The following DDAH1 variants were observed in gnomAD, a reference collection of about 807,000 sequenced individuals.
DDAH1 encodes dimethylarginine dimethylaminohydrolase 1.
Under a neutral mutation model 28.8 loss-of-function variants are expected in DDAH1, and 19 were observed. The observed-to-expected ratio is 0.66, with a 90% confidence interval of 0.46 to 0.97. The LOEUF is 0.97. Ranked by LOEUF, DDAH1 falls within the 50% of genes least tolerant of loss-of-function variation. DDAH1 has a pLI of 0.00. For missense variants in DDAH1, 326 were observed against 375.9 expected (o/e 0.87, Z 1.10); for synonymous variants, 153 against 154.4 (o/e 0.99, Z 0.07).
At chr1:85,553,168 A>C (rs1223181895) in intron 1 of DDAH1, among the ~76,000 whole-genome samples, 1 of 152,040 alleles carries the variant, frequency 6.6e-6, no homozygotes, top group Non-Finnish European at 1.5e-5. Flanking sequence ...GAGTAAAGTC[A>C]CCTTAGAACC....
intron 1 of DDAH1, among the ~76,000 whole-genome samples, chr1:85,531,019 TGAATTG>T (rs1257629896): frequency 4.2e-5 from 4 of 94,306 alleles, no homozygotes; most frequent in Admixed American, 1.1e-4. Context: ...AAAAAAAAAG[TGAATTG>T]AAATTGAAGT....
chr1:85,499,225 A>G (rs1245112871), intron 1 of DDAH1, among the ~76,000 whole-genome samples: 5 of 152,192 alleles, frequency 3.3e-5, no homozygotes, highest in Admixed American at 1.3e-4. Flanking sequence ...ATATATTTTT[A>G]ATTTCATTGA....
At chr1:85,485,928 A>G (rs1461901150) in intron 2 of DDAH1, among the ~76,000 whole-genome samples, 1 of 152,220 alleles carries the variant, frequency 6.6e-6, no homozygotes, top group African/African-American at 2.4e-5. Context: ...ACTGAAGCCC[A>G]CCAAAATCAA....
chr1:85,447,013 A>G (rs1654466777), intron 1 of DDAH1, among the ~76,000 whole-genome samples: 1 of 152,152 alleles, frequency 6.6e-6, no homozygotes, highest in African/African-American at 2.4e-5. Flanking sequence ...TTTAAAACTC[A>G]ATGGAATAAA....
intron 1 of DDAH1, among the ~76,000 whole-genome samples, chr1:85,562,106 T>C (rs1239498638): frequency 6.6e-6 from 1 of 152,100 alleles, no homozygotes; most frequent in Non-Finnish European, 1.5e-5. Context: ...AATTTTAAGT[T>C]TGAACCCCTT....
At chr1:85,533,794 A>T (rs1365438368) in intron 1 of DDAH1, among the ~76,000 whole-genome samples, 3 of 152,156 alleles carry the variant, frequency 2.0e-5, no homozygotes, top group African/African-American at 7.2e-5. Flanking sequence ...CTACCTCATA[A>T]GGTTGCTTGC....
intron 1 of DDAH1, among the ~76,000 whole-genome samples, chr1:85,437,419 C>A (rs567096943): frequency 6.6e-6 from 1 of 152,146 alleles, no homozygotes; most frequent in Non-Finnish European, 1.5e-5. Flanking sequence ...CCTGAGACAG[C>A]AAGATCGACC....
chr1:85,342,385 T>TGA (rs1370654465), intron 4 of DDAH1, among the ~76,000 whole-genome samples: 1 of 143,480 alleles, frequency 7.0e-6, no homozygotes, highest in African/African-American at 2.7e-5. Context: ...GGTTTTTCTA[T>TGA]GAGTGTGTGT....
chr1:85,499,555 A>G (rs146990564), intron 1 of DDAH1, among the ~76,000 whole-genome samples: 1,528 of 152,188 alleles, frequency 0.01, 30 homozygotes, highest in African/African-American at 0.035. Flanking sequence ...CATGCCTGTA[A>G]TCCCACCTAC....
At chr1:85,347,643 A>G (rs1648949245) in intron 4 of DDAH1, among the ~76,000 whole-genome samples, 1 of 152,194 alleles carries the variant, frequency 6.6e-6, no homozygotes, top group African/African-American at 2.4e-5. Flanking sequence ...GAGGGATAGC[A>G]TTGGGAGATA....
intron 1 of DDAH1, among the ~76,000 whole-genome samples, chr1:85,370,828 G>GA (rs888361043): frequency 6.6e-6 from 1 of 152,104 alleles, no homozygotes; most frequent in Non-Finnish European, 1.5e-5. Context: ...AGGCTGGAGA[G>GA]AAAAAATTGA....
In DDAH1 at chr1:85,486,675, G is replaced by A. The variant is rs116250248; in HGVS notation, c.-7+9491C>T. ...CTGATAGAAAGGACAAGCACATAGAGAATCTCAATGGTGTGCAATAAATAC... is the reference window on the plus strand; with the variant it reads ...CTGATAGAAAGGACAAGCACATAGAAAATCTCAATGGTGTGCAATAAATAC... On this transcript the variant is annotated intron_variant, in intron 2 of 6. Coordinates refer to the DDAH1 transcript ENST00000426972. Among the ~76,000 whole-genome samples the A allele has an allele frequency of 1.5e-3, 232 of 152,290 alleles. 1 individual carries two copies. Among genetic ancestry groups the A allele is most frequent in the African/African-American group, 5.4e-3 (223 of 41,566 alleles).
intron 1 of DDAH1, among the ~76,000 whole-genome samples, chr1:85,559,008 T>C (rs1659065791): frequency 6.6e-6 from 1 of 152,222 alleles, no homozygotes; most frequent in Admixed American, 6.5e-5. Context: ...GGCACTTTTC[T>C]AAACTGGTAG....
At chr1:85,386,385 A>G (rs1410302774) in intron 1 of DDAH1, among the ~76,000 whole-genome samples, 1 of 152,258 alleles carries the variant, frequency 6.6e-6, no homozygotes, top group Non-Finnish European at 1.5e-5. Context: ...GAATTGGACA[A>G]AAGAATGGGG....
chr1:85,523,060 G>T (rs1161395165), intron 1 of DDAH1, among the ~76,000 whole-genome samples: 3 of 151,224 alleles, frequency 2.0e-5, no homozygotes, highest in Admixed American at 6.6e-5. Flanking sequence ...TTGGGGGTGG[G>T]ATGCACGAGG....
At chr1:85,378,111 A>C (rs1650780905) in intron 1 of DDAH1, among the ~76,000 whole-genome samples, 1 of 152,228 alleles carries the variant, frequency 6.6e-6, no homozygotes, top group African/African-American at 2.4e-5. Context: ...TCAAATTTGG[A>C]AAACCAAAAA....
intron 1 of DDAH1, among the ~76,000 whole-genome samples, chr1:85,507,221 T>C (rs1657047285): frequency 6.6e-6 from 1 of 152,118 alleles, no homozygotes; most frequent in African/African-American, 2.4e-5. Flanking sequence ...ACATCTTCTA[T>C]AGGACAGACG....
chr1:85,449,958 GA>G (rs1338821318), intron 1 of DDAH1, among the ~76,000 whole-genome samples: 2 of 152,110 alleles, frequency 1.3e-5, no homozygotes, highest in African/African-American at 4.8e-5. Context: ...ATATTCCTAA[GA>G]ATAAAATCAG....
At chr1:85,344,445 T>TAGC (rs1648711534) in intron 4 of DDAH1, among the ~76,000 whole-genome samples, 1 of 152,226 alleles carries the variant, frequency 6.6e-6, no homozygotes, top group Non-Finnish European at 1.5e-5. Context: ...CACAGTCCTG[T>TAGC]AGCCGGTCAG....
Sources: gnomAD v4.1 joint callset for allele counts (sites outside exome capture counted in the v4.1 genomes callset) on GRCh38, gnomAD v4.1.1 for gene constraint, MANE v1.5 for transcripts, NCBI Gene and HGNC (gene_info 2026-07-23, HGNC 2026-07-21) for gene names.